The following EDEM1 variants were observed in gnomAD, a reference collection of about 807,000 sequenced individuals.
The protein encoded by EDEM1 is ER degradation enhancing alpha-mannosidase like protein 1, also known as ER degradation-enhancing alpha-mannosidase-like protein 1.
In EDEM1, 67 loss-of-function variants were observed where a neutral mutation model predicts 74.4. The observed-to-expected ratio is 0.90, with a 90% CI of 0.74 to 1.10. The LOEUF (loss-of-function observed/expected upper bound fraction) is 1.10, where lower values mean the gene tolerates loss of function less well. Ranked by LOEUF, EDEM1 falls within the 50% of genes least tolerant of loss-of-function variation. EDEM1 has a pLI of 0.00. For synonymous variants in EDEM1, 382 were observed against 335.9 expected (o/e 1.14, Z -1.50); for missense variants, 926 against 851.6 (o/e 1.09, Z -1.09).
chr3:5,208,402 G>T, intron 8 of EDEM1, 139 bp downstream of exon 8: 1 of 1,009,514 alleles, frequency 9.9e-7, no homozygotes, highest in Non-Finnish European at 1.4e-6. Context: ...CCTATCCGTA[G>T]TCTTGTTAGT....
rs1316622362 is a variant in EDEM1, at chr3:5,188,094, C to G, written c.289C>G (p.Pro97Ala). 3 of 1,503,352 alleles carry G rather than the reference C, an allele frequency of 2.0e-6. No homozygotes were observed. The highest frequency in any genetic ancestry group is 1.3e-5 in the South Asian group (1 of 79,240). The allele number at this position is 1,503,352 out of a possible 1,614,324, so 93.1% of individuals were successfully genotyped here. The change falls in exon 1 of 12, where the codon CCA (proline) becomes GCA (alanine). Residue 97 changes from proline to alanine, a missense_variant. Pro to Ala is a conservative substitution (Grantham distance 27). Transcript: ENST00000256497. ...GCGTCCTGGGCCGGGGATGTGCGGC[C>G]CAGCCAACTGGGGCTACGTGCTGGG... is the stretch of plus-strand genomic sequence containing the variant. ...PRRPGPGMCGPANWGYVLGGR... is the reference protein window; with the variant it reads ...PRRPGPGMCGAANWGYVLGGR...
intron 5 of EDEM1, 25 bp from the exon 6 acceptor site, chr3:5,205,042 T>G (rs770969518): frequency 6.2e-7 from 1 of 1,611,248 alleles, no homozygotes; most frequent in Non-Finnish European, 8.5e-7. Context: ...AGCTGGGACC[T>G]CAAGTGCCTT....
At position 5,216,592 on chromosome 3, in the gene EDEM1, A is replaced by AG. The variant is rs1358188456; in HGVS notation, c.*675dup. ...CAACCGTGATTTTGGATCACATGGG[A>AG]GAAAAAGTCATCCAGTTTTTCATGT... On this transcript the variant is annotated 3_prime_UTR_variant, in exon 12 of 12. Transcript: ENST00000256497. The AG allele has an allele frequency of 1.3e-5, 2 of 152,458 alleles. No homozygotes were observed. Among genetic ancestry groups the AG allele is most frequent in the African/African-American group, 4.8e-5 (2 of 41,450 alleles). 9.4% of individuals were successfully genotyped at this position (152,458 alleles called of 1,614,324 possible).
chr3:5,213,694 C>T (rs147944801), intron 11 of EDEM1, among the ~76,000 whole-genome samples, 172 bp downstream of exon 11: 3 of 152,276 alleles, frequency 2.0e-5, no homozygotes, highest in Middle Eastern at 3.4e-3. Flanking sequence ...ATAGGGAAAC[C>T]GCAGGAGCAG....
At chr3:5,212,494 A>G (rs961891490) in intron 10 of EDEM1, among the ~76,000 whole-genome samples, 3 of 152,236 alleles carry the variant, frequency 2.0e-5, no homozygotes, top group Non-Finnish European at 4.4e-5. Flanking sequence ...GTGACCCTGG[A>G]GGGTGTGCTA....
At position 5,207,216 on chromosome 3, in the gene EDEM1, TG is replaced by T; in HGVS notation, c.1284del (p.Gln429SerfsTer2). On this transcript the variant is annotated frameshift_variant, in exon 7 of 12. Coordinates refer to ENST00000256497, the MANE Select transcript of EDEM1 (RefSeq NM_014674.3). LOFTEE classifies it high-confidence loss of function. ...TCTATGTCAACGTGAACATGTTCAG[TG>T]GGCAGCTGATGAACACCTGGATTGA... ...PLYVNVNMFSGQLMNTWIDSL... is the reference protein window; with the variant it reads ...PLYVNVNMFSXQLMNTWIDSL... 1 of 1,614,212 alleles carries T rather than the reference TG, an allele frequency of 6.2e-7. No homozygotes were observed. Among genetic ancestry groups the T allele is most frequent in the Non-Finnish European group, 8.5e-7 (1 of 1,180,034 alleles).
rs2055291538 is a variant in EDEM1, at chr3:5,219,770, G to A, written c.*3852G>A. 6.5e-6 allele frequency: 1 copy of A among 152,728 alleles called. No homozygotes were observed. The highest frequency in any genetic ancestry group is 2.4e-5 in the African/African-American group (1 of 41,566). 9.5% of individuals were successfully genotyped at this position (152,728 alleles called of 1,614,324 possible). On this transcript the variant is annotated 3_prime_UTR_variant, in exon 12 of 12. Coordinates refer to ENST00000256497, the MANE Select transcript of EDEM1 (RefSeq NM_014674.3). ...ATACACAAATGCTTCTCTGTAATGT[G>A]CAATATGCTTTGCAACTGTAGATGA... is the stretch of plus-strand genomic sequence containing the variant.
intron 1 of EDEM1, among the ~76,000 whole-genome samples, chr3:5,191,228 G>T (rs1575582949): frequency 6.7e-6 from 1 of 149,418 alleles, no homozygotes; most frequent in Non-Finnish European, 1.5e-5. Context: ...CATATTTTTT[G>T]TTTGTTTGTT....
chr3:5,215,878 T>C lies in EDEM1; in HGVS notation c.1934T>C (p.Ile645Thr). 1 of 1,613,366 alleles carries C rather than the reference T, an allele frequency of 6.2e-7. No homozygotes were observed. The highest frequency in any genetic ancestry group is 1.1e-5 in the South Asian group (1 of 90,808). The change falls in exon 12 of 12, where the codon ATC (isoleucine) becomes ACC (threonine). Residue 645 changes from isoleucine (I) to threonine (T), a missense_variant. By Grantham distance (89) the Ile-to-Thr change is moderately conservative. Coordinates refer to ENST00000256497, the MANE Select transcript of EDEM1 (RefSeq NM_014674.3). Reference protein sequence around the residue: ...ERRYSLPLKSIYMRQIDQMVG... With the variant: ...ERRYSLPLKSTYMRQIDQMVG... ...AGGTACTCCCTGCCCTTAAAGAGCA[T>C]CTACATGCGACAGATTGACCAGATG...
At position 5,213,508 on chromosome 3, in the gene EDEM1, A is replaced by C; in HGVS notation, c.1870A>C (p.Asn624His). ...RPKPHELKVI[N>H]SSSNCNRVPD... ...GAAACCTCATGAGTTAAAAGTCATC[A>C]ACTCCAGCTCCAACGTGAGTTGCTT... is the stretch of plus-strand genomic sequence containing the variant. Residue 624 changes from asparagine to histidine, a missense_variant, in exon 11 of 12, where the codon AAC (asparagine) becomes CAC (histidine). By Grantham distance (68) the Asn-to-His change is moderately conservative. Transcript: ENST00000256497. 7 of 1,610,354 alleles carry C rather than the reference A, an allele frequency of 4.3e-6. No individual in the cohort carries two copies. Among genetic ancestry groups the C allele is most frequent in the Non-Finnish European group, 5.9e-6 (7 of 1,177,516 alleles).
intron 11 of EDEM1, among the ~76,000 whole-genome samples, chr3:5,215,212 G>C (rs2055217961): frequency 6.8e-6 from 1 of 147,334 alleles, no homozygotes; most frequent in Non-Finnish European, 1.5e-5. Context: ...GATAATGAAT[G>C]TATTTAGACA....
At chr3:5,199,750 A>G in intron 3 of EDEM1, 55 bp downstream of exon 3, 1 of 1,480,628 alleles carries the variant, frequency 6.8e-7, no homozygotes, top group South Asian at 1.2e-5. Flanking sequence ...ATGTGTTTAA[A>G]GAAAAAAATA....
At chr3:5,204,418 G>A (rs1012590655) in intron 5 of EDEM1, among the ~76,000 whole-genome samples, 4 of 151,038 alleles carry the variant, frequency 2.6e-5, no homozygotes, top group African/African-American at 9.8e-5. Flanking sequence ...CCATCACCCA[G>A]GCTGGACGGC....
chr3:5,196,930 C>CTTTT (rs1488633815), intron 2 of EDEM1, among the ~76,000 whole-genome samples: 2 of 148,780 alleles, frequency 1.3e-5, no homozygotes, highest in Admixed American at 6.7e-5. Context: ...CTTTTCTTTT[C>CTTTT]TTTTCTTTTT....
chr3:5,215,627 G>A (rs776303425), intron 11 of EDEM1, among the ~76,000 whole-genome samples: 1 of 152,128 alleles, frequency 6.6e-6, no homozygotes, highest in African/African-American at 2.4e-5. Flanking sequence ...CACAGCTGAG[G>A]CGTAGGAGTT....
chr3:5,196,949 T>A (rs995734286), intron 2 of EDEM1, among the ~76,000 whole-genome samples: 2 of 151,018 alleles, frequency 1.3e-5, no homozygotes, highest in Non-Finnish European at 3.0e-5. Flanking sequence ...TTTTTTTTTT[T>A]GAGAGAGTCT....
At chr3:5,196,165 A>C (rs189046031) in intron 2 of EDEM1, among the ~76,000 whole-genome samples, 1 of 152,128 alleles carries the variant, frequency 6.6e-6, no homozygotes, top group Non-Finnish European at 1.5e-5. Flanking sequence ...CTGTTAGGAG[A>C]TAGAATTGGG....
intron 2 of EDEM1, among the ~76,000 whole-genome samples, chr3:5,198,841 G>A (rs760481446): frequency 3.3e-5 from 5 of 151,780 alleles, no homozygotes; most frequent in Non-Finnish European, 7.4e-5. Context: ...ATAGTCTCAG[G>A]GTTGTCATAA....
intron 4 of EDEM1, among the ~76,000 whole-genome samples, chr3:5,202,274 C>G (rs971503385): frequency 6.6e-6 from 1 of 152,192 alleles, no homozygotes; most frequent in African/African-American, 2.4e-5. Flanking sequence ...TGACTTGGGT[C>G]TGTTTTCCCA....
Sources: gnomAD v4.1 joint callset for allele counts (sites outside exome capture counted in the v4.1 genomes callset) on GRCh38, gnomAD v4.1.1 for gene constraint, MANE v1.5 for transcripts, NCBI Gene and HGNC (gene_info 2026-07-23, HGNC 2026-07-21) for gene names.